Variants in BRCA2 observed in about 807,000 individuals in gnomAD.
The protein encoded by BRCA2 is breast cancer type 2 susceptibility protein.
A neutral mutation model predicts 276.7 loss-of-function variants in BRCA2; 203 were observed. The ratio of observed to expected loss-of-function variants is 0.73; its 90% CI spans 0.65 to 0.82. The LOEUF is 0.82. Ranked by LOEUF, BRCA2 falls within the 40% of genes least tolerant of loss-of-function variation. BRCA2 has a pLI of 0.00. For missense variants in BRCA2, 3,920 were observed against 3,915.0 expected (o/e 1.00, Z -0.03); for synonymous variants, 1,289 against 1,338.4 (o/e 0.96, Z 0.81).
At chr13:32,321,957 C>T (rs1348366422) in intron 3 of BRCA2, among the ~76,000 whole-genome samples, 5 of 151,712 alleles carry the variant, frequency 3.3e-5, no homozygotes, top group Non-Finnish European at 5.9e-5. Flanking sequence ...TTTAAATAGC[C>T]GAGTTTCTTT....
chr13:32,370,310 C>T (rs2072817715), intron 18 of BRCA2, 92 bp from the exon 19 acceptor site: 2 of 1,243,082 alleles, frequency 1.6e-6, no homozygotes, highest in Non-Finnish European at 2.3e-6. Flanking sequence ...ATTTTTAAGG[C>T]AGTTCTAGAA....
chr13:32,329,806 TTATA>T (rs397843916), intron 8 of BRCA2, among the ~76,000 whole-genome samples: 1 of 151,342 alleles, frequency 6.6e-6, no homozygotes, highest in East Asian at 1.9e-4. Flanking sequence ...TGTGTAGTAT[TTATA>T]TATATATACC....
intron 11 of BRCA2, among the ~76,000 whole-genome samples, 166 bp downstream of exon 11, chr13:32,341,362 C>G (rs546027403): frequency 3.6e-4 from 55 of 152,166 alleles, no homozygotes; most frequent in Non-Finnish European, 6.2e-4. Flanking sequence ...TACACAGATT[C>G]AGTATTCGTA....
intron 7 of BRCA2, among the ~76,000 whole-genome samples, chr13:32,327,641 C>G (rs2072359640): frequency 6.6e-6 from 1 of 151,336 alleles, no homozygotes; most frequent in Non-Finnish European, 1.5e-5. Context: ...CCACTGCACT[C>G]CAGCCTGGGC....
chr13:32,351,507 A>G (rs1013694638), intron 13 of BRCA2, among the ~76,000 whole-genome samples: 1 of 152,202 alleles, frequency 6.6e-6, no homozygotes, highest in Non-Finnish European at 1.5e-5. Flanking sequence ...CCAAGAACCC[A>G]CCAGAAGGAA....
Position 32,350,545 on chromosome 13 carries a change from C to T in BRCA2, c.7007+3649C>T, listed in dbSNP as rs1415480337. 3.3e-5 allele frequency among the ~76,000 whole-genome samples: 5 copies of T among 152,090 alleles called. No homozygotes were observed. In the East Asian group the frequency reaches 5.8e-4, roughly 18 times the overall value. On this transcript the variant is annotated intron_variant, in intron 13 of 26. Transcript: ENST00000380152. ...CGGGTGGATCACAAGGTCAGGAGATCGAGACCATCCTGGCTAACATGGTGA... is the reference window on the plus strand; with the variant it reads ...CGGGTGGATCACAAGGTCAGGAGATTGAGACCATCCTGGCTAACATGGTGA...
chr13:32,396,691 C>T (rs1328833503), intron 25 of BRCA2: 2 of 599,254 alleles, frequency 3.3e-6, no homozygotes, highest in East Asian at 2.9e-5. Context: ...TCTCTGTTCC[C>T]CTCTCCCTAT....
chr13:32,355,281 A>G lies in BRCA2; in HGVS notation c.7428A>G (p.Glu2476=). Residue 2476 remains glutamate (E), a synonymous_variant, in exon 14 of 27, where the codon GAA becomes GAG. Coordinates refer to ENST00000380152, the MANE Select transcript of BRCA2 (RefSeq NM_000059.4). ...TAACTTTCACAAAGTGTGAAGAAGA[A>G]CCTTTAGGTATTGTATGACAATTTG... is the stretch of plus-strand genomic sequence containing the variant. ...VAVTFTKCEE[E]PLDLITSLQN... is the part of the protein sequence containing the mutation. 6.2e-7 allele frequency: 1 copy of G among 1,613,710 alleles called. No homozygotes were observed. Among genetic ancestry groups the G allele is most frequent in the Non-Finnish European group, 8.5e-7 (1 of 1,179,784 alleles).
chr13:32,398,969 A>G lies in BRCA2; in HGVS notation c.*199A>G, dbSNP rs1040461570. The stretch of plus-strand genomic sequence containing the variant: ...ATTGGTATACTTTTGCTTCAGTTGC[A>G]TATCTTAAAACTAAATGTAATTTAT... On this transcript the variant is annotated 3_prime_UTR_variant, in exon 27 of 27. Transcript: ENST00000380152. 18 of 603,552 alleles carry G rather than the reference A, an allele frequency of 3.0e-5. No homozygotes were observed. The African/African-American group carries it at 3.0e-4, about 10-fold the overall frequency. 37.4% of individuals were successfully genotyped at this position (603,552 alleles called of 1,614,324 possible).
intron 18 of BRCA2, among the ~76,000 whole-genome samples, chr13:32,366,109 T>G (rs867724224): frequency 3.3e-5 from 5 of 152,282 alleles, no homozygotes; most frequent in Middle Eastern, 3.4e-3. Context: ...TCCTAAAAAT[T>G]TAGAAAGTCA....
In BRCA2 at chr13:32,336,990, T is replaced by C. The variant is rs753266636; in HGVS notation, c.2635T>C (p.Ser879Pro). 2 of 1,586,874 alleles carry C rather than the reference T, an allele frequency of 1.3e-6. No individual in the cohort carries two copies. Among genetic ancestry groups the C allele is most frequent in the Admixed American group, 3.8e-5 (2 of 52,388 alleles). Residue 879 changes from serine to proline, a missense_variant, in exon 11 of 27, where the codon TCT (serine) becomes CCT (proline). By Grantham distance (74) the Ser-to-Pro change is moderately conservative. Around this residue, in one of 2 missense-constraint regions of BRCA2, gnomAD observed 3,263 missense variants for 3,156.9 expected, o/e 1.03. Transcript: ENST00000380152. ...TTCAAAAATAACTGTCAATCCAGAC[T>C]CTGAAGAACTTTTCTCAGACAATGA... is the stretch of plus-strand genomic sequence containing the variant. Reference protein sequence around the residue: ...SISKITVNPDSEELFSDNENN... With the variant: ...SISKITVNPDPEELFSDNENN...
rs112311402 is a variant in BRCA2, at chr13:32,395,033, T to C, written c.9501+100T>C. 110 of 1,527,210 alleles carry C rather than the reference T, an allele frequency of 7.2e-5. No individual in the cohort carries two copies. In the African/African-American group the frequency reaches 1.2e-3, roughly 17 times the overall value. The allele number at this position is 1,527,210 out of a possible 1,614,324, so 94.6% of individuals were successfully genotyped here. A position where few individuals can be genotyped will look rare whatever the true frequency, so the allele number is the denominator to read the frequency against. ...TTTTATACAAATTGGATAGTTGAGGTAGTATGTGAGGTAAAGTTTAATCAT... is the reference window on the plus strand; with the variant it reads ...TTTTATACAAATTGGATAGTTGAGGCAGTATGTGAGGTAAAGTTTAATCAT... On this transcript the variant is annotated intron_variant, in intron 25 of 26. Coordinates refer to ENST00000380152, the MANE Select transcript of BRCA2 (RefSeq NM_000059.4).
intron 13 of BRCA2, among the ~76,000 whole-genome samples, chr13:32,354,159 G>A (rs2072670891): frequency 6.6e-6 from 1 of 152,178 alleles, no homozygotes; most frequent in South Asian, 2.1e-4. Context: ...TATTAGGAAA[G>A]TTGAGTAGAA....
chr13:32,327,609 G>A (rs867610858), intron 7 of BRCA2, among the ~76,000 whole-genome samples: 35 of 151,562 alleles, frequency 2.3e-4, no homozygotes, highest in African/African-American at 7.7e-4. Flanking sequence ...GGCGGATCTT[G>A]TAGTGATCTG....
rs11571606 is a variant in BRCA2, at chr13:32,324,693, A to G, written c.317-383A>G. Among the ~76,000 whole-genome samples, 1,078 of 152,278 alleles carry G rather than the reference A, an allele frequency of 7.1e-3. 12 individuals are homozygous for G. The highest frequency in any genetic ancestry group is 0.025 in the African/African-American group (1,024 of 41,548). On this transcript the variant is annotated intron_variant, in intron 3 of 26. Transcript: ENST00000380152. ...TTGCTCTTTTCCCAGGCTGGAATAC[A>G]GTGGCATGATCATAGCTCAAGCTCC...
At chr13:32,341,882 A>T (rs1192217504) in intron 11 of BRCA2, among the ~76,000 whole-genome samples, 10 of 151,394 alleles carry the variant, frequency 6.6e-5, no homozygotes, top group Non-Finnish European at 1.5e-5. Context: ...AAAAAAAAAA[A>T]GTTGGTTTCC....
At chr13:32,380,248 A>G (rs2072915893) in intron 24 of BRCA2, 103 bp downstream of exon 24, 2 of 1,176,930 alleles carry the variant, frequency 1.7e-6, no homozygotes, top group East Asian at 5.2e-5. Flanking sequence ...CAAATTTGCT[A>G]GCTAACTAGT....
At chr13:32,352,044 G>T (rs150776486) in intron 13 of BRCA2, among the ~76,000 whole-genome samples, 21 of 152,070 alleles carry the variant, frequency 1.4e-4, no homozygotes, top group African/African-American at 3.4e-4. Flanking sequence ...CTCGTGATCC[G>T]CCCACCTTGG....
intron 11 of BRCA2, among the ~76,000 whole-genome samples, chr13:32,342,734 C>G (rs1175894322): frequency 6.6e-6 from 1 of 152,122 alleles, no homozygotes; most frequent in Admixed American, 6.5e-5. Context: ...AGAAAAGGTA[C>G]AGTAAAAATA....
Sources: gnomAD v4.1 joint callset for allele counts (sites outside exome capture counted in the v4.1 genomes callset) on GRCh38, gnomAD v4.1.1 for gene constraint, gnomAD v4.1.1 regional missense constraint, MANE v1.5 for transcripts, NCBI Gene and HGNC (gene_info 2026-07-23, HGNC 2026-07-21) for gene names.